ERBIN: variants seen among roughly 807,000 people sequenced by gnomAD.
The protein encoded by ERBIN is erbb2 interacting protein.
In ERBIN, 60 loss-of-function variants were observed where a neutral mutation model predicts 158.4. The ratio of observed to expected loss-of-function variants is 0.38; its 90% CI spans 0.31 to 0.47. ERBIN has a LOEUF of 0.47. Ranked by LOEUF, ERBIN falls within the 20% of genes least tolerant of loss-of-function variation. The probability of loss-of-function intolerance (pLI) is 0.99; values close to 1 mark genes in which losing one functional copy is unlikely to be tolerated. For synonymous variants in ERBIN, 594 were observed against 557.2 expected, an observed-to-expected ratio of 1.07 and a Z score of -0.93; for missense variants, 1,610 against 1,648.0, an observed-to-expected ratio of 0.98 and a Z score of 0.40.
chr5:66,008,518 A>T (rs535874180), intron 4 of ERBIN, among the ~76,000 whole-genome samples: 53 of 152,334 alleles, frequency 3.5e-4, no homozygotes, highest in Non-Finnish European at 1.5e-4. Context: ...ATACATTTTT[A>T]TAGGAATTAA....
chr5:65,955,696 G>A (rs561844941), intron 1 of ERBIN, among the ~76,000 whole-genome samples: 1 of 152,334 alleles, frequency 6.6e-6, no homozygotes, highest in Admixed American at 6.5e-5. Flanking sequence ...TATCCCAGGT[G>A]ATTTTGGCTG....
At chr5:65,986,896 G>C (rs562756009) in intron 1 of ERBIN, among the ~76,000 whole-genome samples, 1 of 152,304 alleles carries the variant, frequency 6.6e-6, no homozygotes, top group Admixed American at 6.5e-5. Context: ...AATGCTGTTT[G>C]AAACCCCAGC....
intron 14 of ERBIN, among the ~76,000 whole-genome samples, chr5:66,030,583 G>A (rs1426609946): frequency 7.4e-6 from 1 of 135,244 alleles, no homozygotes; most frequent in Non-Finnish European, 1.5e-5. Flanking sequence ...TTTTTTTTGC[G>A]GCGGGGTCTT....
chr5:66,007,055 T>G (rs922442459), intron 4 of ERBIN, among the ~76,000 whole-genome samples: 4 of 150,296 alleles, frequency 2.7e-5, no homozygotes, highest in African/African-American at 5.0e-5. Flanking sequence ...ACCCAAAGGA[T>G]GATAAATCAT....
Position 65,965,382 on chromosome 5 carries a change from G to GTTTTTTTTTTTTTT in ERBIN, c.-57-23225_-57-23212dup, listed in dbSNP as rs200847060. 4.8e-4 allele frequency among the ~76,000 whole-genome samples: 46 copies of GTTTTTTTTTTTTTT among 96,056 alleles called. 2 individuals carry two copies. The highest frequency in any genetic ancestry group is 5.1e-4 in the Non-Finnish European group (25 of 48,706). 63.0% of individuals were successfully genotyped at this position (96,056 alleles called of 152,430 possible). A position where few individuals can be genotyped will look rare whatever the true frequency, so the allele number is the denominator to read the frequency against. On this transcript the variant is annotated intron_variant, in intron 1 of 25. Transcript: ENST00000284037. ...GTTCTTACCAGATTTGTTTTTTGTT[G>GTTTTTTTTTTTTTT]TTTTTTTTTTTTTTTTTTTTTTTTT...
chr5:66,052,159 T>C (rs1759099223), intron 20 of ERBIN, among the ~76,000 whole-genome samples: 1 of 147,564 alleles, frequency 6.8e-6, no homozygotes, highest in South Asian at 2.1e-4. Context: ...ATCAGGCTAC[T>C]GCACTCCAGC....
chr5:66,077,573 C>A (rs980712538), intron 25 of ERBIN, among the ~76,000 whole-genome samples: 4 of 151,990 alleles, frequency 2.6e-5, no homozygotes, highest in Non-Finnish European at 5.9e-5. Flanking sequence ...CTGGTCCCAA[C>A]ACTTTCTAAA....
chr5:65,967,554 A>T (rs777862158), intron 1 of ERBIN, among the ~76,000 whole-genome samples: 1 of 152,164 alleles, frequency 6.6e-6, no homozygotes. Context: ...GCTACACCAT[A>T]TAGCCTAGAG....
At chr5:66,043,927 A>C (rs1395232059) in intron 16 of ERBIN, among the ~76,000 whole-genome samples, 1 of 152,200 alleles carries the variant, frequency 6.6e-6, no homozygotes, top group East Asian at 1.9e-4. Context: ...AAAACTTTTA[A>C]AACATTGAAA....
rs1762355368 is a variant in ERBIN at position 66,080,867 on chromosome 5, CAT to C, written c.*2339_*2340del. 6.6e-6 allele frequency: 1 copy of C among 151,954 alleles called. No individual in the cohort carries two copies. Among genetic ancestry groups the C allele is most frequent in the Non-Finnish European group, 1.5e-5 (1 of 67,878 alleles). 9.4% of individuals were successfully genotyped at this position (151,954 alleles called of 1,614,324 possible). ...AAAATTTTATAGTATTCTTGCAACA[CAT>C]AAAGTTGCGTAAGAAACTTTACCAA... On this transcript the variant is annotated 3_prime_UTR_variant, in exon 26 of 26. Coordinates refer to ENST00000284037, the MANE Select transcript of ERBIN (RefSeq NM_001253697.2).
intron 14 of ERBIN, among the ~76,000 whole-genome samples, chr5:66,035,917 G>A (rs1012532401): frequency 6.6e-6 from 1 of 152,026 alleles, no homozygotes; most frequent in East Asian, 1.9e-4. Context: ...GACATAACAA[G>A]ATCCCATCTC....
chr5:65,994,112 AGTTAAAGGTT>A (rs1164335942), intron 3 of ERBIN, among the ~76,000 whole-genome samples: 1 of 152,192 alleles, frequency 6.6e-6, no homozygotes, highest in East Asian at 1.9e-4. Context: ...TATGGATAAA[AGTTAAAGGTT>A]GTTGGTCTCA....
At chr5:65,965,631 G>T (rs76917505) in intron 1 of ERBIN, among the ~76,000 whole-genome samples, 1,528 of 152,118 alleles carry the variant, frequency 0.01, 23 homozygotes, top group African/African-American at 0.034. Context: ...GAGTTCAAGT[G>T]GTTTGCCCAC....
At chr5:66,012,794 G>C (rs1048431527) in intron 5 of ERBIN, among the ~76,000 whole-genome samples, 1 of 152,154 alleles carries the variant, frequency 6.6e-6, no homozygotes, top group Admixed American at 6.5e-5. Context: ...ATCTTTACTT[G>C]TTTCATAATC....
chr5:65,976,635 C>T (rs1178463717), intron 1 of ERBIN, among the ~76,000 whole-genome samples: 1 of 150,462 alleles, frequency 6.6e-6, no homozygotes, highest in Admixed American at 6.6e-5. Context: ...ACAAAGGTCT[C>T]TGGTTTTCCT....
chr5:66,015,419 T>C (rs190564447), intron 7 of ERBIN, among the ~76,000 whole-genome samples: 1 of 152,244 alleles, frequency 6.6e-6, no homozygotes, highest in East Asian at 1.9e-4. Flanking sequence ...CCACATACAT[T>C]CATGTACATA....
chr5:65,974,400 G>C (rs1749637144), intron 1 of ERBIN, among the ~76,000 whole-genome samples: 1 of 152,236 alleles, frequency 6.6e-6, no homozygotes, highest in Non-Finnish European at 1.5e-5. Context: ...CAGAGGTAAT[G>C]CCTATAGAGG....
intron 22 of ERBIN, among the ~76,000 whole-genome samples, chr5:66,073,421 A>T (rs1761704161): frequency 1.3e-5 from 2 of 152,198 alleles, no homozygotes; most frequent in South Asian, 4.1e-4. Flanking sequence ...CCAGAAATGT[A>T]GGGCTAATAT....
chr5:66,078,833 AT>A lies in ERBIN; in HGVS notation c.*304del. ...TTGTAGGTTTATTTTTGGATTTCAT[AT>A]ACATGACTGAACTGTGTGCAAGGCA... On this transcript the variant is annotated 3_prime_UTR_variant, in exon 26 of 26. Transcript: ENST00000284037. 3.3e-6 allele frequency: 1 copy of A among 301,472 alleles called. No individual in the cohort carries two copies. The highest frequency in any genetic ancestry group is 6.1e-6 in the Non-Finnish European group (1 of 163,866). 18.7% of individuals were successfully genotyped at this position (301,472 alleles called of 1,614,324 possible).
Sources: gnomAD v4.1 joint callset for allele counts (sites outside exome capture counted in the v4.1 genomes callset) on GRCh38, gnomAD v4.1.1 for gene constraint, MANE v1.5 for transcripts, NCBI Gene and HGNC (gene_info 2026-07-23, HGNC 2026-07-21) for gene names.